Variants in IGFL2 observed in about 807,000 individuals in gnomAD.
IGFL2 encodes the protein insulin growth factor-like family member 2.
Under a neutral mutation model 13.9 loss-of-function variants are expected in IGFL2, and 7 were observed. The ratio of observed to expected loss-of-function variants is 0.51; its 90% CI spans 0.29 to 0.95. The LOEUF (loss-of-function observed/expected upper bound fraction) is 0.95, where lower values mean the gene tolerates loss of function less well. Among genes scored for constraint, IGFL2 ranks in the 40% least tolerant of loss-of-function variants. The probability of loss-of-function intolerance (pLI) is 0.08; values close to 1 mark genes in which losing one functional copy is unlikely to be tolerated. For missense variants in IGFL2, 138 were observed against 147.8 expected, an observed-to-expected ratio of 0.93 and a Z score of 0.34; for synonymous variants, 55 against 55.8, an observed-to-expected ratio of 0.99 and a Z score of 0.07.
chr19:46,152,599 A>G (rs1347576848), intron 1 of IGFL2, among the ~76,000 whole-genome samples: 2 of 152,202 alleles, frequency 1.3e-5, no homozygotes, highest in African/African-American at 4.8e-5. Flanking sequence ...GATTTTTAAC[A>G]TACAAAATCA....
At chr19:46,127,663 A>G in the IGFL2 span, among the ~76,000 whole-genome samples, 1 of 152,172 alleles carries the variant, frequency 6.6e-6, no homozygotes, top group Non-Finnish European at 1.5e-5. Flanking sequence ...GTAGATAGAT[A>G]GATGATGGAT....
chr19:46,097,149 C>CA, the IGFL2 span, among the ~76,000 whole-genome samples: 1 of 152,138 alleles, frequency 6.6e-6, no homozygotes, highest in East Asian at 1.9e-4. Flanking sequence ...TGGTCCTGGG[C>CA]TTTTTTTGGT....
chr19:46,086,666 T>C, the IGFL2 span, among the ~76,000 whole-genome samples: 11 of 152,242 alleles, frequency 7.2e-5, no homozygotes, highest in Non-Finnish European at 1.5e-4. Flanking sequence ...TAGTGAATTA[T>C]TGTGTTCCTT....
the IGFL2 span, among the ~76,000 whole-genome samples, chr19:46,115,512 G>T: frequency 5.9e-5 from 9 of 152,134 alleles, no homozygotes; most frequent in African/African-American, 2.2e-4. Flanking sequence ...CAGCTTGGGA[G>T]CTGTGGCCAG....
the IGFL2 span, among the ~76,000 whole-genome samples, chr19:46,099,947 C>T: frequency 6.6e-6 from 1 of 152,130 alleles, no homozygotes; most frequent in East Asian, 1.9e-4. Flanking sequence ...TCACGAAGTT[C>T]TTGTGCTGTG....
intron 1 of IGFL2, among the ~76,000 whole-genome samples, chr19:46,157,260 A>G (rs1213378163): frequency 2.6e-5 from 4 of 152,222 alleles, no homozygotes; most frequent in Non-Finnish European, 4.4e-5. Flanking sequence ...AGGGAATTCA[A>G]TTCATTTCAT....
At chr19:46,138,828 C>T (rs553042674), upstream of IGFL2, among the ~76,000 whole-genome samples, 4 of 152,236 alleles carry the variant, frequency 2.6e-5, no homozygotes, top group South Asian at 8.3e-4. Context: ...CAAGATAGTC[C>T]TATTCTGTCC....
the IGFL2 span, among the ~76,000 whole-genome samples, chr19:46,081,218 G>A: frequency 1.2e-4 from 18 of 152,120 alleles, no homozygotes; most frequent in African/African-American, 4.3e-4. Flanking sequence ...GCATCTTTAG[G>A]AAGTGTTCAT....
At chr19:46,118,265 C>T in the IGFL2 span, among the ~76,000 whole-genome samples, 1 of 152,194 alleles carries the variant, frequency 6.6e-6, no homozygotes, top group East Asian at 1.9e-4. Flanking sequence ...ATGTTTGTCT[C>T]CCCCACAGAG....
chr19:46,159,380 G>A (rs1974010105), intron 1 of IGFL2: 1 of 152,190 alleles, frequency 6.6e-6, no homozygotes, highest in Non-Finnish European at 1.5e-5. Context: ...TGGTACTGGA[G>A]GCCATGAGCT....
chr19:46,086,717 G>A, the IGFL2 span, among the ~76,000 whole-genome samples: 2,075 of 152,236 alleles, frequency 0.014, 33 homozygotes, highest in Middle Eastern at 0.027. Context: ...GTGTTCTTAC[G>A]TTGATATCTG....
the IGFL2 span, chr19:46,124,435 T>C: frequency 2.4e-6 from 3 of 1,265,046 alleles, no homozygotes; most frequent in African/African-American, 3.0e-5. Flanking sequence ...GATTATCACT[T>C]GGGGCTAAGT....
chr19:46,101,878 G>GCAACTGCTTTTGC, the IGFL2 span, among the ~76,000 whole-genome samples: 1 of 152,230 alleles, frequency 6.6e-6, no homozygotes, highest in Admixed American at 6.5e-5. Flanking sequence ...AGTTTCCAAG[G>GCAACTGCTTTTGC]CTAGGTAACA....
chr19:46,110,487 C>T, the IGFL2 span, among the ~76,000 whole-genome samples: 1 of 152,146 alleles, frequency 6.6e-6, no homozygotes, highest in African/African-American at 2.4e-5. Context: ...CTTTCATATT[C>T]TCATTGCTTG....
the IGFL2 span, among the ~76,000 whole-genome samples, chr19:46,104,770 C>T: frequency 6.6e-6 from 1 of 152,128 alleles, no homozygotes; most frequent in Non-Finnish European, 1.5e-5. Flanking sequence ...GGATAGATTT[C>T]CACGATGGAA....
upstream of IGFL2, among the ~76,000 whole-genome samples, chr19:46,145,114 G>A (rs1416385331): frequency 1.3e-5 from 2 of 152,022 alleles, no homozygotes; most frequent in Non-Finnish European, 2.9e-5. Flanking sequence ...GGGAACATAA[G>A]TTTCATTTCT....
At chr19:46,153,551 A>G (rs1016484172) in intron 1 of IGFL2, among the ~76,000 whole-genome samples, 3 of 152,130 alleles carry the variant, frequency 2.0e-5, no homozygotes, top group Non-Finnish European at 4.4e-5. Context: ...CCAGCAATAC[A>G]ATTATGTACA....
At chr19:46,080,958 C>T in the IGFL2 span, among the ~76,000 whole-genome samples, 1 of 152,216 alleles carries the variant, frequency 6.6e-6, no homozygotes, top group African/African-American at 2.4e-5. Flanking sequence ...GGACGGGAAC[C>T]TGATCTCCCT....
the IGFL2 span, among the ~76,000 whole-genome samples, chr19:46,104,922 G>A: frequency 6.6e-6 from 1 of 152,324 alleles, no homozygotes; most frequent in East Asian, 1.9e-4. Flanking sequence ...CCTTGTGTGA[G>A]AGGAGATTGA....
Sources: gnomAD v4.1 joint callset for allele counts (sites outside exome capture counted in the v4.1 genomes callset) on GRCh38, gnomAD v4.1.1 for gene constraint, MANE v1.5 for transcripts, NCBI Gene and HGNC (gene_info 2026-07-23, HGNC 2026-07-21) for gene names.